Variants in PHACTR3 observed in about 807,000 individuals in gnomAD.
PHACTR3 encodes protein phosphatase 1, regulatory subunit 123.
Under a neutral mutation model 66.8 loss-of-function variants are expected in PHACTR3, and 16 were observed. The ratio of observed to expected loss-of-function variants is 0.24; its 90% CI spans 0.16 to 0.36. The LOEUF (loss-of-function observed/expected upper bound fraction) is 0.36. Among genes scored for constraint, PHACTR3 ranks in the 10% least tolerant of loss-of-function variants. The pLI is 1.00. For synonymous variants in PHACTR3, 323 were observed against 292.1 expected, an observed-to-expected ratio of 1.11 and a Z score of -1.08; for missense variants, 647 against 719.9, an observed-to-expected ratio of 0.90 and a Z score of 1.16.
chr20:59,645,136 C>T lies in PHACTR3; in HGVS notation c.118+40004C>T, dbSNP rs539363867. Among the ~76,000 whole-genome samples the T allele has an allele frequency of 1.3e-4, 19 of 151,592 alleles. No homozygotes were observed. The East Asian group carries it at 1.6e-3, about 12-fold the overall frequency. ...GGCAGTATTTGGTTTTCTATTTCTG[C>T]GTTAATTCACTCAGGATAGTGGCCT... On this transcript the variant is annotated intron_variant, in intron 1 of 12. Coordinates refer to ENST00000371015, the MANE Select transcript of PHACTR3 (RefSeq NM_080672.5).
At chr20:59,609,651 C>A (rs560918626) in intron 1 of PHACTR3, among the ~76,000 whole-genome samples, 7 of 152,324 alleles carry the variant, frequency 4.6e-5, no homozygotes, top group East Asian at 1.9e-4. Flanking sequence ...AATGCTGCCC[C>A]CTTCCTGGGC....
intron 1 of PHACTR3, among the ~76,000 whole-genome samples, chr20:59,661,027 T>A (rs191515580): frequency 6.6e-6 from 1 of 152,340 alleles, no homozygotes; most frequent in Admixed American, 6.5e-5. Flanking sequence ...CTCTTCACAC[T>A]GTGATTCTCA....
chr20:59,649,313 G>A (rs2035385345), intron 1 of PHACTR3, among the ~76,000 whole-genome samples: 1 of 152,172 alleles, frequency 6.6e-6, no homozygotes, highest in African/African-American at 2.4e-5. Context: ...CAAGATATGT[G>A]TATTTTCCTT....
At chr20:59,741,422 G>A (rs569152644) in intron 1 of PHACTR3, among the ~76,000 whole-genome samples, 15 of 152,136 alleles carry the variant, frequency 9.9e-5, no homozygotes, top group Non-Finnish European at 1.0e-4. Context: ...AGGTTAAATC[G>A]GAGCCTGGTT....
intron 1 of PHACTR3, among the ~76,000 whole-genome samples, chr20:59,723,384 T>C (rs2038421857): frequency 6.6e-6 from 1 of 152,076 alleles, no homozygotes; most frequent in Non-Finnish European, 1.5e-5. Flanking sequence ...GGGTGTGCTG[T>C]GGCAGGGTTG....
intron 12 of PHACTR3, among the ~76,000 whole-genome samples, chr20:59,846,383 GTTT>G (rs913637549): frequency 6.6e-6 from 1 of 152,120 alleles, no homozygotes; most frequent in African/African-American, 2.4e-5. Context: ...CAAAGAGTTT[GTTT>G]TTTAAGGTTC....
At chr20:59,767,991 T>C (rs2040239537) in intron 5 of PHACTR3, among the ~76,000 whole-genome samples, 1 of 152,198 alleles carries the variant, frequency 6.6e-6, no homozygotes, top group South Asian at 2.1e-4. Flanking sequence ...TCTCTGCTGG[T>C]CTCTGTTTTG....
At chr20:59,670,614 G>GC (rs1456621928) in intron 1 of PHACTR3, among the ~76,000 whole-genome samples, 2 of 130,962 alleles carry the variant, frequency 1.5e-5, no homozygotes, top group African/African-American at 5.4e-5. Context: ...GTGGGGGGGG[G>GC]GGGCAGGCAC....
At chr20:59,622,761 C>A (rs1048323236) in intron 1 of PHACTR3, among the ~76,000 whole-genome samples, 2 of 151,844 alleles carry the variant, frequency 1.3e-5, no homozygotes, top group Admixed American at 1.3e-4. Flanking sequence ...CCCATCTGTC[C>A]ATCTGTCCTG....
chr20:59,812,517 T>TA (rs2041766397), intron 8 of PHACTR3, among the ~76,000 whole-genome samples: 1 of 152,128 alleles, frequency 6.6e-6, no homozygotes, highest in African/African-American at 2.4e-5. Flanking sequence ...GGCAGGCCTA[T>TA]TTTTGGTCCT....
At chr20:59,599,477 G>T (rs1413302028) in intron 1 of PHACTR3, among the ~76,000 whole-genome samples, 2 of 152,072 alleles carry the variant, frequency 1.3e-5, no homozygotes, top group Admixed American at 1.3e-4. Context: ...CCAGTGGTTG[G>T]TTTCAGTTTA....
intron 1 of PHACTR3, among the ~76,000 whole-genome samples, chr20:59,719,300 G>C (rs2038205579): frequency 1.3e-5 from 2 of 152,120 alleles, no homozygotes; most frequent in South Asian, 4.1e-4. Context: ...GAGTAGCTGG[G>C]ATTACAGGCG....
chr20:59,819,416 C>A (rs537720213), intron 8 of PHACTR3, among the ~76,000 whole-genome samples: 4 of 151,986 alleles, frequency 2.6e-5, no homozygotes, highest in Non-Finnish European at 2.9e-5. Context: ...CCTGTGATCT[C>A]AGCTACTTGG....
At chr20:59,831,166 T>C (rs6092831) in intron 8 of PHACTR3, among the ~76,000 whole-genome samples, 24,804 of 152,168 alleles carry the variant, frequency 0.16, 6,702 homozygotes, top group African/African-American at 0.56. Context: ...GTTTGGCTGG[T>C]GCCCCCTTGG....
At chr20:59,709,441 T>C (rs1371710818) in intron 1 of PHACTR3, among the ~76,000 whole-genome samples, 3 of 152,250 alleles carry the variant, frequency 2.0e-5, no homozygotes, top group African/African-American at 7.2e-5. Context: ...CCTTTTTGGC[T>C]TTCTTTTGTT....
At position 59,766,336 on chromosome 20, in the gene PHACTR3, C is replaced by A. The variant is rs558669744; in HGVS notation, c.542-850C>A. On this transcript the variant is annotated intron_variant, in intron 4 of 12. Coordinates refer to ENST00000371015, the MANE Select transcript of PHACTR3 (RefSeq NM_080672.5). ...AATAGTAGGCAAGGGCAGGAGCAGA[C>A]AAGTGGCAGCTTAATCCCCAGATGA... Among the ~76,000 whole-genome samples, 12 of 152,312 alleles carry A rather than the reference C, an allele frequency of 7.9e-5. No homozygotes were observed. In the South Asian group the frequency reaches 2.3e-3, roughly 29 times the overall value.
At chr20:59,612,533 C>T (rs186921875) in intron 1 of PHACTR3, among the ~76,000 whole-genome samples, 20 of 152,160 alleles carry the variant, frequency 1.3e-4, no homozygotes, top group Middle Eastern at 3.4e-3. Flanking sequence ...TACAGGTGCG[C>T]GCCACCATGC....
rs1383342176 is a variant in PHACTR3 at position 59,604,723 on chromosome 20, T to C, written c.-292T>C. 2.8e-6 allele frequency: 3 copies of C among 1,054,566 alleles called. No homozygotes were observed. The highest frequency in any genetic ancestry group is 3.4e-5 in the African/African-American group (2 of 59,016). The allele number at this position is 1,054,566 out of a possible 1,614,324, so 65.3% of individuals were successfully genotyped here. ...CTGGTTCAACTTTTTTTTTTTTCCC[T>C]GGAATATAGACTGAAGAATGGGAAT... On this transcript the variant is annotated 5_prime_UTR_variant, in exon 1 of 13. Coordinates refer to ENST00000371015, the MANE Select transcript of PHACTR3 (RefSeq NM_080672.5).
chr20:59,613,926 C>T (rs1475934846), intron 1 of PHACTR3, among the ~76,000 whole-genome samples: 3 of 152,156 alleles, frequency 2.0e-5, no homozygotes, highest in African/African-American at 4.8e-5. Context: ...ATCTGGTCAG[C>T]GATCAACGGC....
Sources: gnomAD v4.1 joint callset for allele counts (sites outside exome capture counted in the v4.1 genomes callset) on GRCh38, gnomAD v4.1.1 for gene constraint, MANE v1.5 for transcripts, NCBI Gene and HGNC (gene_info 2026-07-23, HGNC 2026-07-21) for gene names.